Variants in ATAD2B observed in about 807,000 individuals in gnomAD.
ATAD2B encodes the protein ATPase family AAA domain containing 2B, also known as ATPase family AAA domain-containing protein 2B.
In ATAD2B, 40 loss-of-function variants were observed where a neutral mutation model predicts 167.6. The ratio of observed to expected loss-of-function variants is 0.24; its 90% confidence interval spans 0.19 to 0.31. ATAD2B has a LOEUF of 0.31. Ranked by LOEUF, ATAD2B falls within the 10% of genes least tolerant of loss-of-function variation. The probability of loss-of-function intolerance (pLI) is 1.00; values close to 1 mark genes in which losing one functional copy is unlikely to be tolerated. For synonymous variants in ATAD2B, 579 were observed against 596.5 expected, an observed-to-expected ratio of 0.97 and a Z score of 0.43; for missense variants, 1,242 against 1,757.2, an observed-to-expected ratio of 0.71 and a Z score of 5.24.
chr2:23,704,342 C>T, the ATAD2B span, among the ~76,000 whole-genome samples: 1 of 152,326 alleles, frequency 6.6e-6, no homozygotes, highest in South Asian at 2.1e-4. Flanking sequence ...ACAAACCCAC[C>T]CCTGCAGGCA....
chr2:23,789,915 C>T (rs1410784138), intron 19 of ATAD2B, among the ~76,000 whole-genome samples: 2 of 152,128 alleles, frequency 1.3e-5, no homozygotes, highest in Non-Finnish European at 2.9e-5. Context: ...CCTTTTCCAG[C>T]TCTGAAATTC....
the ATAD2B span, among the ~76,000 whole-genome samples, chr2:23,736,483 A>C: frequency 1.3e-5 from 2 of 152,232 alleles, no homozygotes; most frequent in East Asian, 3.8e-4. Flanking sequence ...AAAAACAAAG[A>C]AAAAATCATC....
At chr2:23,809,536 T>C (rs1685218648) in intron 18 of ATAD2B, among the ~76,000 whole-genome samples, 1 of 152,192 alleles carries the variant, frequency 6.6e-6, no homozygotes, top group Non-Finnish European at 1.5e-5. Flanking sequence ...ATGTTTTAAG[T>C]GTTACTACTC....
At chr2:23,837,700 T>C (rs184247790) in intron 13 of ATAD2B, among the ~76,000 whole-genome samples, 29 of 152,328 alleles carry the variant, frequency 1.9e-4, no homozygotes, top group Admixed American at 1.6e-3. Context: ...AAAGAAAAAA[T>C]ACAGTAGTTT....
the ATAD2B span, chr2:23,691,231 A>G: frequency 8.9e-6 from 2 of 223,712 alleles, no homozygotes; most frequent in Admixed American, 5.3e-5. Context: ...ATTGGCTGGC[A>G]TCACAGCCAG....
chr2:23,807,731 G>A (rs1000457597), intron 18 of ATAD2B, among the ~76,000 whole-genome samples: 19 of 149,906 alleles, frequency 1.3e-4, no homozygotes, highest in South Asian at 2.1e-4. Flanking sequence ...CAGGAGAATC[G>A]CTTGAACCCA....
rs116902195 is a variant in ATAD2B at position 23,895,504 on chromosome 2, T to A, written c.368+315A>T. On this transcript the variant is annotated intron_variant, in intron 2 of 27. Coordinates refer to ENST00000238789, the MANE Select transcript of ATAD2B (RefSeq NM_017552.4). ...TAATCTTTAAAAAGGGAGATTTTAT[T>A]TTCAAATAAAAATATAACTCTGACC... 8.9e-4 allele frequency among the ~76,000 whole-genome samples: 135 copies of A among 152,244 alleles called. 4 individuals carry two copies. In the East Asian group the frequency reaches 0.026, roughly 29 times the overall value.
the ATAD2B span, among the ~76,000 whole-genome samples, chr2:23,721,766 C>T: frequency 5.3e-5 from 8 of 151,902 alleles, no homozygotes; most frequent in East Asian, 1.9e-4. Context: ...AGCAGTCATG[C>T]GGCTGTGTCC....
chr2:23,706,568 G>A, the ATAD2B span: 1 of 1,537,198 alleles, frequency 6.5e-7, no homozygotes, highest in Middle Eastern at 1.7e-4. Flanking sequence ...AGGCCTACGA[G>A]CCCACAACCA....
At chr2:23,862,401 G>GTTTTTTTTTTTTTT (rs750865073) in intron 12 of ATAD2B, among the ~76,000 whole-genome samples, 8 of 99,432 alleles carry the variant, frequency 8.0e-5, no homozygotes, top group African/African-American at 2.8e-4. Context: ...ATTTGGACTG[G>GTTTTTTTTTTTTTT]TTTTTTTTTT....
chr2:23,808,123 A>ATATATATAAGTAATTATATATATAATTAC (rs1558570128), intron 18 of ATAD2B, among the ~76,000 whole-genome samples: 1 of 17,848 alleles, frequency 5.6e-5, no homozygotes, highest in Non-Finnish European at 1.2e-4. Flanking sequence ...ATATATAATT[A>ATATATATAAGTAATTATATATATAATTAC]TTATATATAA....
At chr2:23,894,904 A>G (rs766639839) in intron 2 of ATAD2B, among the ~76,000 whole-genome samples, 3 of 152,240 alleles carry the variant, frequency 2.0e-5, no homozygotes, top group Non-Finnish European at 4.4e-5. Context: ...AGCATATTTT[A>G]GTAAGTACAG....
intron 1 of ATAD2B, among the ~76,000 whole-genome samples, chr2:23,911,001 C>T (rs886682722): frequency 6.6e-6 from 1 of 151,732 alleles, no homozygotes; most frequent in Non-Finnish European, 1.5e-5. Flanking sequence ...CCAAGGTGGG[C>T]AGATCACCTG....
intron 1 of ATAD2B, among the ~76,000 whole-genome samples, chr2:23,913,361 C>T (rs913645844): frequency 2.0e-5 from 3 of 152,168 alleles, no homozygotes; most frequent in South Asian, 2.1e-4. Flanking sequence ...GGGGGCCAGG[C>T]GCAGTGGCTC....
At chr2:23,787,050 A>G (rs1680935556) in intron 20 of ATAD2B, among the ~76,000 whole-genome samples, 1 of 151,634 alleles carries the variant, frequency 6.6e-6, no homozygotes, top group Non-Finnish European at 1.5e-5. Context: ...GGGAGGGAAA[A>G]AAAAAAAAAG....
chr2:23,878,434 G>A (rs879361479), intron 7 of ATAD2B, among the ~76,000 whole-genome samples: 29 of 151,862 alleles, frequency 1.9e-4, no homozygotes, highest in Admixed American at 2.6e-4. Context: ...TGAGGCGGGC[G>A]GATCATGAGG....
chr2:23,836,323 C>T (rs1420413129), intron 13 of ATAD2B, among the ~76,000 whole-genome samples: 1 of 152,166 alleles, frequency 6.6e-6, no homozygotes, highest in Non-Finnish European at 1.5e-5. Flanking sequence ...CACTGGGGAA[C>T]GTGGTGGTGC....
intron 1 of ATAD2B, among the ~76,000 whole-genome samples, chr2:23,921,908 CCT>C (rs1415862142): frequency 2.6e-5 from 4 of 152,106 alleles, no homozygotes; most frequent in Non-Finnish European, 4.4e-5. Context: ...ATGAGATTTC[CCT>C]CTCAGACTTC....
At chr2:23,696,036 C>T in the ATAD2B span, 1 of 1,551,754 alleles carries the variant, frequency 6.4e-7, no homozygotes, top group Admixed American at 2.0e-5. The surrounding 1 kb of genome is among the most constrained non-coding windows in gnomAD (Gnocchi z 5.5). Context: ...CCTGCTGGAA[C>T]CCGCAGAACA....
Sources: gnomAD v4.1 joint callset for allele counts (sites outside exome capture counted in the v4.1 genomes callset) on GRCh38, gnomAD v4.1.1 for gene constraint, Gnocchi (gnomAD v3.1) non-coding constraint, MANE v1.5 for transcripts, NCBI Gene and HGNC (gene_info 2026-07-23, HGNC 2026-07-21) for gene names.